Variants in HDAC7 observed in about 807,000 individuals in gnomAD.
HDAC7 encodes the protein histone deacetylase 7A.
Under a neutral mutation model 115.5 loss-of-function variants are expected in HDAC7, and 26 were observed. The ratio of observed to expected loss-of-function variants is 0.23; its 90% CI spans 0.16 to 0.31. The LOEUF (loss-of-function observed/expected upper bound fraction) is 0.31. HDAC7 is among the 10% of genes least tolerant of loss of function. The pLI, the probability that HDAC7 is intolerant of heterozygous loss-of-function variation, is 1.00. For synonymous variants in HDAC7, 564 were observed against 550.9 expected, an observed-to-expected ratio of 1.02 and a Z score of -0.33; for missense variants, 1,068 against 1,329.0, an observed-to-expected ratio of 0.80 and a Z score of 3.05.
At chr12:47,815,531 C>A (rs750264351) in intron 1 of HDAC7, among the ~76,000 whole-genome samples, 8 of 152,232 alleles carry the variant, frequency 5.3e-5, no homozygotes, top group Non-Finnish European at 1.0e-4. Context: ...GCCCCAGGAT[C>A]ACCTGAAGCA....
At position 47,797,308 on chromosome 12, in the gene HDAC7, CTGCACACTCCT is replaced by C; in HGVS notation, c.577+65_577+75del. On this transcript the variant is annotated intron_variant, in intron 6 of 25. Coordinates refer to ENST00000080059, the MANE Select transcript of HDAC7 (RefSeq NM_015401.5). The surrounding 1 kb of genome is among the most constrained non-coding windows in gnomAD (Gnocchi z 5.5). ...CTGGCCCAGCCCAGCCCGCCCACCC[CTGCACACTCCT>C]CCCCCATGTCCGAGGCCCTTCCCCC... The C allele has an allele frequency of 6.9e-7, 1 of 1,441,892 alleles. No homozygotes were observed. The allele number at this position is 1,441,892 out of a possible 1,614,324, so 89.3% of individuals were successfully genotyped here. A position where few individuals can be genotyped will look rare whatever the true frequency, so the allele number is the denominator to read the frequency against.
At chr12:47,785,332 G>T in intron 24 of HDAC7, 55 bp downstream of exon 24, 1 of 1,468,308 alleles carries the variant, frequency 6.8e-7, no homozygotes, top group Non-Finnish European at 9.3e-7. Flanking sequence ...GTGGGGCAGG[G>T]TACCACCAAG....
chr12:47,810,477 C>T (rs1389701709), intron 1 of HDAC7, among the ~76,000 whole-genome samples: 1 of 152,178 alleles, frequency 6.6e-6, no homozygotes, highest in African/African-American at 2.4e-5. Context: ...CTAGGGTATG[C>T]TCCCAATGCC....
At chr12:47,801,987 C>T (rs554105717) in intron 2 of HDAC7, among the ~76,000 whole-genome samples, 4 of 152,258 alleles carry the variant, frequency 2.6e-5, no homozygotes, top group African/African-American at 4.8e-5. Flanking sequence ...AAGGACAAGA[C>T]GGGCATCCTG....
intron 14 of HDAC7, 64 bp downstream of exon 14, chr12:47,791,807 C>CCCCCCCCCCCCCCCCAAAAA: frequency 1.3e-6 from 2 of 1,532,680 alleles, no homozygotes; most frequent in Non-Finnish European, 1.8e-6. Flanking sequence ...CAGGGCCCCC[C>CCCCCCCCCCCCCCCCAAAAA]ACCCCTCCCC....
chr12:47,796,101 A>G, intron 8 of HDAC7, 85 bp from the exon 9 acceptor site: 6 of 1,512,868 alleles, frequency 4.0e-6, no homozygotes, highest in Non-Finnish European at 5.4e-6. Context: ...AGGCTCTGGC[A>G]GGGGCTGCCC....
intron 1 of HDAC7, among the ~76,000 whole-genome samples, chr12:47,819,548 C>G (rs1453605813): frequency 6.6e-6 from 1 of 151,814 alleles, no homozygotes; most frequent in Admixed American, 6.6e-5. Flanking sequence ...GCCCTCCGGC[C>G]CCCGGAACCA....
rs777686875 is a variant in HDAC7, at chr12:47,787,733, G to T, written c.2432C>A (p.Pro811His). The T allele has an allele frequency of 1.2e-6, 2 of 1,611,438 alleles. No homozygotes were observed. The highest frequency in any genetic ancestry group is 1.7e-6 in the Non-Finnish European group (2 of 1,179,124). ...GTACCTGAAAGCAGCCAGGTACTCA[G>T]GATCCCCCATGGGGGGGTCCAGACC... is the stretch of plus-strand genomic sequence containing the variant. ...AGGLDPPMGD[P>H]EYLAAFRIVV... Residue 811 changes from proline (P) to histidine (H), a missense_variant, in exon 21 of 26, where the codon CCT becomes CAT. This residue lies in a region of HDAC7 where 182 missense variants were observed against 301.1 expected (regional missense o/e 0.60). Transcript: ENST00000080059.
chr12:47,790,479 G>A (rs1943427691), intron 16 of HDAC7: 1 of 157,276 alleles, frequency 6.4e-6, no homozygotes, highest in Admixed American at 6.1e-5. Context: ...GAAAGAGAGA[G>A]AGAGAGAAAG....
chr12:47,793,333 C>CCCAA lies in HDAC7; in HGVS notation c.1678+35_1678+36insTTGG. ...CCCACATGGACTCGTGCAGCCGAGCCCCTCCCTCCACCCGCCACCCTCCTC... is the reference window on the plus strand; with the variant it reads ...CCCACATGGACTCGTGCAGCCGAGCCCCAACCTCCCTCCACCCGCCACCCTCCTC... On this transcript the variant is annotated intron_variant, in intron 13 of 25. Coordinates refer to ENST00000080059, the MANE Select transcript of HDAC7 (RefSeq NM_015401.5). The surrounding 1 kb of genome is among the most constrained non-coding windows in gnomAD (Gnocchi z 4.5). 1 of 1,294,636 alleles carries CCCAA rather than the reference C, an allele frequency of 7.7e-7. No individual in the cohort carries two copies. The allele number at this position is 1,294,636 out of a possible 1,614,324, so 80.2% of individuals were successfully genotyped here.
intron 1 of HDAC7, among the ~76,000 whole-genome samples, chr12:47,818,501 G>C (rs1235573558): frequency 6.6e-6 from 1 of 152,222 alleles, no homozygotes; most frequent in African/African-American, 2.4e-5. Context: ...CTGGGAGGGG[G>C]AAAGGGCCGC....
Position 47,798,317 on chromosome 12 carries a change from G to T in HDAC7, c.350-98C>A. 1.9e-6 allele frequency: 2 copies of T among 1,040,772 alleles called. No individual in the cohort carries two copies. Among genetic ancestry groups the T allele is most frequent in the Non-Finnish European group, 3.0e-6 (2 of 672,638 alleles). 64.5% of individuals were successfully genotyped at this position (1,040,772 alleles called of 1,614,324 possible). On this transcript the variant is annotated intron_variant, in intron 4 of 25. Coordinates refer to ENST00000080059, the MANE Select transcript of HDAC7 (RefSeq NM_015401.5). This position sits in a 1 kb window ranked among gnomAD's most constrained non-coding sequence, Gnocchi z 4.3. ...CCTGTCCCCATCCTCAGTAGGAGGC[G>T]TCCCAGGGACTCCCTAGGCAAGAGC...
chr12:47,790,231 G>A (rs954273172), intron 16 of HDAC7: 1 of 362,686 alleles, frequency 2.8e-6, no homozygotes, highest in Admixed American at 3.8e-5. Context: ...GGTTTGGGCC[G>A]GGAGGGGGTT....
rs770245918 is a variant in HDAC7, at chr12:47,794,909, G to T, written c.1309C>A (p.Pro437Thr). 2.5e-6 allele frequency: 4 copies of T among 1,613,142 alleles called. No homozygotes were observed. In the South Asian group the frequency reaches 4.4e-5, roughly 18 times the overall value. ...GCCGAGGGTATCTGCCGCAGCCGGG[G>T]CTTCTCACTCGGCTTGGCTGACCTC... ...IKRSAKPSEK[P>T]RLRQIPSAED... Residue 437 changes from proline (P) to threonine (T), a missense_variant, in exon 12 of 26, where the codon CCC becomes ACC. Transcript: ENST00000080059.
At chr12:47,792,191 C>T in intron 13 of HDAC7, 187 bp from the exon 14 acceptor site, 1 of 627,148 alleles carries the variant, frequency 1.6e-6, no homozygotes, top group African/African-American at 1.8e-5. Flanking sequence ...TCACACCTGT[C>T]CACACACGCC....
At chr12:47,791,377 G>A in intron 15 of HDAC7, 69 bp from the exon 16 acceptor site, 1 of 1,470,970 alleles carries the variant, frequency 6.8e-7, no homozygotes, top group Non-Finnish European at 9.1e-7. Context: ...GGAGCAGGGA[G>A]CCCAGAGAGC....
chr12:47,788,207 G>A (rs1224049165), intron 19 of HDAC7, 43 bp from the exon 20 acceptor site: 1 of 1,572,476 alleles, frequency 6.4e-7, no homozygotes, highest in African/African-American at 1.4e-5. Context: ...GCAGAGAGAT[G>A]GGGGCCAGGA....
intron 7 of HDAC7, 31 bp from the exon 8 acceptor site, chr12:47,796,329 CAG>C (rs1392246011): frequency 6.5e-7 from 1 of 1,550,134 alleles, no homozygotes; most frequent in Non-Finnish European, 8.7e-7. Flanking sequence ...GAAGTGCAGT[CAG>C]AGGCCAGGGT....
At chr12:47,791,802 C>CCCCCCCCCCCCCCCCCCCCCCCAAAA in intron 14 of HDAC7, 69 bp downstream of exon 14, 1 of 1,286,788 alleles carries the variant, frequency 7.8e-7, no homozygotes, top group Non-Finnish European at 1.1e-6. Flanking sequence ...GGCCCCAGGG[C>CCCCCCCCCCCCCCCCCCCCCCCAAAA]CCCCCACCCC....
Sources: gnomAD v4.1 joint callset for allele counts (sites outside exome capture counted in the v4.1 genomes callset) on GRCh38, gnomAD v4.1.1 for gene constraint, gnomAD v4.1.1 regional missense constraint, Gnocchi (gnomAD v3.1) non-coding constraint, MANE v1.5 for transcripts, NCBI Gene and HGNC (gene_info 2026-07-23, HGNC 2026-07-21) for gene names.